Variants in HPCAL1 observed in about 807,000 individuals in gnomAD.
The protein encoded by HPCAL1 is hippocalcin-like protein 1.
A neutral mutation model predicts 17.1 loss-of-function variants in HPCAL1; 8 were observed. The ratio of observed to expected loss-of-function variants is 0.47; its 90% CI spans 0.27 to 0.84. The LOEUF (loss-of-function observed/expected upper bound fraction) is 0.84. Ranked by LOEUF, HPCAL1 falls within the 40% of genes least tolerant of loss-of-function variation. The pLI is 0.13. For missense variants in HPCAL1, 165 were observed against 271.1 expected (o/e 0.61, Z 2.75); for synonymous variants, 112 against 111.4 (o/e 1.01, Z -0.03).
At chr2:10,407,018 C>T (rs971959812) in intron 2 of HPCAL1, among the ~76,000 whole-genome samples, 2 of 152,194 alleles carry the variant, frequency 1.3e-5, no homozygotes, top group African/African-American at 2.4e-5. Flanking sequence ...GAGTGATGTT[C>T]GCTCTATGAT....
At chr2:10,406,880 C>T (rs11678199) in intron 2 of HPCAL1, among the ~76,000 whole-genome samples, 2,395 of 152,316 alleles carry the variant, frequency 0.016, 64 homozygotes, top group African/African-American at 0.055. Context: ...GGGGAGCATT[C>T]TCTTGGGCGT....
chr2:10,319,565 C>T (rs992822610), intron 1 of HPCAL1, among the ~76,000 whole-genome samples: 6 of 14,348 alleles, frequency 4.2e-4, no homozygotes, highest in South Asian at 3.1e-3. Flanking sequence ...GATAGGCTGA[C>T]GGGCAGGTGG....
At chr2:10,324,816 G>GTTTTTTTTTTTTTTTTTTTT (rs3036350) in intron 1 of HPCAL1, among the ~76,000 whole-genome samples, 1 of 66,388 alleles carries the variant, frequency 1.5e-5, no homozygotes, top group Non-Finnish European at 2.5e-5. Context: ...TGGTTTTTGT[G>GTTTTTTTTTTTTTTTTTTTT]TTTTTTTTTT....
At chr2:10,409,469 G>A (rs1572844106) in intron 2 of HPCAL1, among the ~76,000 whole-genome samples, 1 of 152,202 alleles carries the variant, frequency 6.6e-6, no homozygotes, top group Non-Finnish European at 1.5e-5. Flanking sequence ...CAGCTTGACT[G>A]TCACTTGCTT....
At position 10,427,247 on chromosome 2, in the gene HPCAL1, C is replaced by T. The variant is rs539675559; in HGVS notation, c.*426C>T. ...GGGAGGGTATACAGGGAGCCCCTCC[C>T]GTGCATGGCTGCCCCCCCGTTCATT... On this transcript the variant is annotated 3_prime_UTR_variant, in exon 5 of 5. Transcript: ENST00000307845. 9 of 179,786 alleles carry T rather than the reference C, an allele frequency of 5.0e-5. No homozygotes were observed. Among genetic ancestry groups the T allele is most frequent in the East Asian group, 1.6e-4 (1 of 6,320 alleles). 11.1% of individuals were successfully genotyped at this position (179,786 alleles called of 1,614,324 possible).
intron 1 of HPCAL1, among the ~76,000 whole-genome samples, chr2:10,352,218 G>A (rs1232394222): frequency 6.6e-6 from 1 of 152,100 alleles, no homozygotes; most frequent in African/African-American, 2.4e-5. Flanking sequence ...ATTGTATGGT[G>A]TGTGAACCGC....
rs1417757099 is a variant in HPCAL1 at position 10,310,471 on chromosome 2, T to A, written c.-111+7294T>A. On this transcript the variant is annotated intron_variant, in intron 1 of 4. Coordinates refer to ENST00000307845, the MANE Select transcript of HPCAL1 (RefSeq NM_002149.4). This position sits in a 1 kb window ranked among gnomAD's most constrained non-coding sequence, Gnocchi z 4.5. ...GGGATTTGATGCTGGAGTCTGTGAC[T>A]GCTGTGCGTGTGGAGGCTTCCGGAA... Among the ~76,000 whole-genome samples the A allele has an allele frequency of 1.3e-5, 2 of 152,216 alleles. No individual in the cohort carries two copies. The highest frequency in any genetic ancestry group is 4.8e-5 in the African/African-American group (2 of 41,456).
chr2:10,366,282 C>T (rs1666846396), intron 1 of HPCAL1, among the ~76,000 whole-genome samples: 2 of 152,208 alleles, frequency 1.3e-5, no homozygotes, highest in East Asian at 1.9e-4. Context: ...GTCGCCCAGG[C>T]TGGAGTGCAG....
At chr2:10,324,921 C>G (rs1299198816) in intron 1 of HPCAL1, among the ~76,000 whole-genome samples, 4 of 138,218 alleles carry the variant, frequency 2.9e-5, no homozygotes, top group African/African-American at 1.1e-4. Context: ...CTCCCAGGTT[C>G]AAGTGATTCT....
intron 1 of HPCAL1, among the ~76,000 whole-genome samples, chr2:10,347,853 C>T (rs1665569440): frequency 6.6e-6 from 1 of 152,120 alleles, no homozygotes; most frequent in African/African-American, 2.4e-5. Flanking sequence ...TTGGGTTTAG[C>T]AAACTGTGTC....
Position 10,331,756 on chromosome 2 carries a change from A to T in HPCAL1, c.-111+28579A>T, listed in dbSNP as rs1275406918. 1.3e-5 allele frequency among the ~76,000 whole-genome samples: 2 copies of T among 152,088 alleles called. No individual in the cohort carries two copies. Among genetic ancestry groups the T allele is most frequent in the Non-Finnish European group, 2.9e-5 (2 of 68,030 alleles). ...TCTAGTCTTTTGTGGATGGGGACATAAACAAGCCGCCATCAACTGCTTGGT... is the reference window on the plus strand; with the variant it reads ...TCTAGTCTTTTGTGGATGGGGACATTAACAAGCCGCCATCAACTGCTTGGT... On this transcript the variant is annotated intron_variant, in intron 1 of 4. Coordinates refer to ENST00000307845, the MANE Select transcript of HPCAL1 (RefSeq NM_002149.4). The surrounding 1 kb of genome is among the most constrained non-coding windows in gnomAD (Gnocchi z 5.0).
At chr2:10,345,203 C>A (rs1398923172) in intron 1 of HPCAL1, among the ~76,000 whole-genome samples, 1 of 151,962 alleles carries the variant, frequency 6.6e-6, no homozygotes, top group African/African-American at 2.4e-5. Flanking sequence ...GTCTGTCTGT[C>A]TCTTTCTTTC....
chr2:10,378,561 C>T (rs1191338348), intron 1 of HPCAL1, among the ~76,000 whole-genome samples: 2 of 152,132 alleles, frequency 1.3e-5, no homozygotes, highest in East Asian at 3.9e-4. Flanking sequence ...TGAGAGCAAA[C>T]TATAGTCTCT....
intron 4 of HPCAL1, chr2:10,424,543 C>T (rs916536478): frequency 1.0e-4 from 47 of 470,942 alleles, no homozygotes; most frequent in Non-Finnish European, 1.9e-4. Context: ...GGGAAGCCAC[C>T]CATGGTCACT....
At chr2:10,390,516 A>T (rs1558510139) in intron 1 of HPCAL1, among the ~76,000 whole-genome samples, 1 of 151,842 alleles carries the variant, frequency 6.6e-6, no homozygotes, top group African/African-American at 2.4e-5. Context: ...CTCCATTATA[A>T]TTTTTTCTCC....
chr2:10,357,050 C>G (rs1174337037), intron 1 of HPCAL1, among the ~76,000 whole-genome samples: 3 of 152,112 alleles, frequency 2.0e-5, no homozygotes, highest in Non-Finnish European at 4.4e-5. Context: ...GAGGTTGAGG[C>G]TGCAGTGAGC....
At chr2:10,347,578 C>T (rs1490711420) in intron 1 of HPCAL1, among the ~76,000 whole-genome samples, 1 of 152,170 alleles carries the variant, frequency 6.6e-6, no homozygotes, top group African/African-American at 2.4e-5. Flanking sequence ...CTGTGGGTGT[C>T]TGTCCTCAGC....
rs1354761096 is a variant in HPCAL1, at chr2:10,367,990, GTGTGTATGTGTGTACATGTGCAT to G, written c.-110-28841_-110-28819del. On this transcript the variant is annotated intron_variant, in intron 1 of 4. Transcript: ENST00000307845. This position sits in a 1 kb window ranked among gnomAD's most constrained non-coding sequence, Gnocchi z 4.4. ...TGCATGTGTGTATATACCTGTGTAGGTGTGTATGTGTGTACATGTGCATTGTAGATGTGTGTGCATATGGTGAC... is the reference window on the plus strand; with the variant it reads ...TGCATGTGTGTATATACCTGTGTAGGTGTAGATGTGTGTGCATATGGTGAC... Among the ~76,000 whole-genome samples the G allele has an allele frequency of 2.6e-5, 4 of 151,940 alleles. No homozygotes were observed. In the East Asian group the frequency reaches 7.8e-4, roughly 30 times the overall value.
At position 10,342,173 on chromosome 2, in the gene HPCAL1, A is replaced by C. The variant is rs1665131638; in HGVS notation, c.-111+38996A>C. On this transcript the variant is annotated intron_variant, in intron 1 of 4. Coordinates refer to ENST00000307845, the MANE Select transcript of HPCAL1 (RefSeq NM_002149.4). This position sits in a 1 kb window ranked among gnomAD's most constrained non-coding sequence, Gnocchi z 4.1. ...GACAGAGTGGACCTTGTCTGTAAAA[A>C]TAATAATAATAATAATAAAGCTTTG... Among the ~76,000 whole-genome samples, 1 of 151,906 alleles carries C rather than the reference A, an allele frequency of 6.6e-6. No individual in the cohort carries two copies. Among genetic ancestry groups the C allele is most frequent in the South Asian group, 2.1e-4 (1 of 4,802 alleles).
Sources: allele counts gnomAD v4.1 joint callset (sites outside exome capture counted in the v4.1 genomes callset), GRCh38; gene constraint gnomAD v4.1.1; non-coding constraint Gnocchi (gnomAD v3.1); transcripts MANE v1.5; gene names NCBI Gene and HGNC (gene_info 2026-07-23, HGNC 2026-07-21).